UNC13C: variants seen among roughly 807,000 people sequenced by gnomAD.
UNC13C encodes the protein protein unc-13 homolog C.
Under a neutral mutation model 245.4 loss-of-function variants are expected in UNC13C, and 174 were observed. The observed-to-expected ratio is 0.71, with a 90% CI of 0.63 to 0.80. The LOEUF (loss-of-function observed/expected upper bound fraction) is 0.80, where lower values mean the gene tolerates loss of function less well. UNC13C is among the 30% of genes least tolerant of loss of function. The pLI is 0.00. For synonymous variants in UNC13C, 992 were observed against 895.1 expected, an observed-to-expected ratio of 1.11 and a Z score of -1.93; for missense variants, 2,829 against 2,602.9, an observed-to-expected ratio of 1.09 and a Z score of -1.89.
At chr15:54,350,903 TTTATA>T (rs1380092472) in intron 17 of UNC13C, among the ~76,000 whole-genome samples, 5 of 152,236 alleles carry the variant, frequency 3.3e-5, no homozygotes, top group African/African-American at 9.6e-5. Context: ...AATGTGCTTC[TTTATA>T]TTATAATACT....
chr15:54,219,473 T>C, intron 4 of UNC13C, among the ~76,000 whole-genome samples: 1 of 151,812 alleles, frequency 6.6e-6, no homozygotes, highest in Non-Finnish European at 1.5e-5. Flanking sequence ...GACTTAAATG[T>C]TAGACCTAAA....
At chr15:54,378,828 T>C (rs1300090066) in intron 17 of UNC13C, among the ~76,000 whole-genome samples, 1 of 152,026 alleles carries the variant, frequency 6.6e-6, no homozygotes, top group Non-Finnish European at 1.5e-5. Context: ...ATTTTATAAT[T>C]ATGTATAGTT....
chr15:54,368,160 T>C (rs1254888084), intron 17 of UNC13C, among the ~76,000 whole-genome samples: 2 of 152,104 alleles, frequency 1.3e-5, no homozygotes, highest in African/African-American at 4.8e-5. Context: ...TTTCTTACTA[T>C]TGACACTTTA....
intron 2 of UNC13C, among the ~76,000 whole-genome samples, chr15:54,027,226 A>G (rs1896149293): frequency 6.6e-6 from 1 of 152,060 alleles, no homozygotes; most frequent in Non-Finnish European, 1.5e-5. Context: ...ATCTGGTGCA[A>G]TAATCAGAGG....
intron 19 of UNC13C, among the ~76,000 whole-genome samples, chr15:54,441,823 A>C (rs895598374): frequency 6.6e-6 from 1 of 152,098 alleles, no homozygotes. Context: ...ATCCATGAGC[A>C]TAAGATATCT....
At chr15:54,385,419 A>C (rs544646197) in intron 17 of UNC13C, among the ~76,000 whole-genome samples, 4 of 152,130 alleles carry the variant, frequency 2.6e-5, no homozygotes, top group Non-Finnish European at 4.4e-5. Context: ...GGAGGTCATT[A>C]CATTAAGTAC....
At chr15:54,257,697 TCCAATTA>T (rs1158274268) in intron 8 of UNC13C, among the ~76,000 whole-genome samples, 1 of 152,166 alleles carries the variant, frequency 6.6e-6, no homozygotes. Context: ...TCTGTGATCC[TCCAATTA>T]CCTACTGTTA....
At position 54,225,170 on chromosome 15, in the gene UNC13C, CT is replaced by C. The variant is rs61048399; in HGVS notation, c.3072-9849del. On this transcript the variant is annotated intron_variant, in intron 4 of 32. Coordinates refer to ENST00000260323, the MANE Select transcript of UNC13C (RefSeq NM_001080534.3). The stretch of plus-strand genomic sequence containing the variant: ...GCAGTCTTATTTCTGAGTTCTCTGT[CT>C]TTTTTTTTTTAACTAGTACCATGCT... Among the ~76,000 whole-genome samples the C allele has an allele frequency of 8.5e-3, 1,183 of 138,556 alleles. 19 individuals are homozygous for C. Among genetic ancestry groups the C allele is most frequent in the African/African-American group, 0.028 (1,107 of 39,128 alleles). 90.9% of individuals were successfully genotyped at this position (138,556 alleles called of 152,430 possible). A position where few individuals can be genotyped will look rare whatever the true frequency, so the allele number is the denominator to read the frequency against.
At chr15:53,984,348 T>C (rs1894042552) in intron 1 of UNC13C, among the ~76,000 whole-genome samples, 1 of 152,118 alleles carries the variant, frequency 6.6e-6, no homozygotes, top group African/African-American at 2.4e-5. Context: ...GTAAATGATT[T>C]GTCTGGTTGA....
At chr15:54,526,162 G>C (rs1895447064) in intron 25 of UNC13C, among the ~76,000 whole-genome samples, 3 of 152,098 alleles carry the variant, frequency 2.0e-5, no homozygotes, top group Admixed American at 1.3e-4. Flanking sequence ...CCATGGGAAG[G>C]AGTTTGGAAA....
intron 2 of UNC13C, among the ~76,000 whole-genome samples, chr15:54,093,699 T>G (rs994642656): frequency 1.4e-4 from 22 of 152,350 alleles, no homozygotes; most frequent in African/African-American, 5.3e-4. Context: ...GGATCTGGTG[T>G]GACTGTTGCT....
At chr15:54,044,484 C>G (rs144396508) in intron 2 of UNC13C, 171 of 257,806 alleles carry the variant, frequency 6.6e-4, no homozygotes, top group African/African-American at 3.6e-3. Context: ...CTTTGTTTAA[C>G]TGTTTGAAGA....
chr15:54,461,939 A>C (rs971877502), intron 19 of UNC13C, among the ~76,000 whole-genome samples: 1 of 152,200 alleles, frequency 6.6e-6, no homozygotes, highest in Admixed American at 6.5e-5. Flanking sequence ...AGTGAAATGC[A>C]GAGATCACTG....
intron 13 of UNC13C, among the ~76,000 whole-genome samples, chr15:54,301,220 TAAG>T (rs1263645565): frequency 6.6e-6 from 1 of 151,928 alleles, no homozygotes; most frequent in African/African-American, 2.4e-5. Context: ...CTGGTCCAGA[TAAG>T]AAGTCAATTT....
intron 30 of UNC13C, among the ~76,000 whole-genome samples, chr15:54,607,860 C>T (rs577208691): frequency 4.6e-5 from 7 of 152,292 alleles, no homozygotes; most frequent in East Asian, 1.9e-4. Context: ...ACCTCCCACC[C>T]GTTCCCTCCC....
chr15:53,935,893 G>T, the UNC13C span, among the ~76,000 whole-genome samples: 5 of 152,196 alleles, frequency 3.3e-5, no homozygotes, highest in East Asian at 9.6e-4. Flanking sequence ...TTGGTGGGGT[G>T]CAGGGTGGCC....
At chr15:54,167,602 G>GAAAAAAAAA (rs35210236) in intron 4 of UNC13C, among the ~76,000 whole-genome samples, 10 of 63,574 alleles carry the variant, frequency 1.6e-4, no homozygotes, top group Admixed American at 2.0e-4. Flanking sequence ...ATCCAAATAG[G>GAAAAAAAAA]AAAAAAAAAA....
chr15:54,036,508 A>C (rs1305085216), intron 2 of UNC13C, among the ~76,000 whole-genome samples: 1 of 152,172 alleles, frequency 6.6e-6, no homozygotes, highest in African/African-American at 2.4e-5. Context: ...AGTTCTTCAG[A>C]AACTTCTTTT....
the UNC13C span, among the ~76,000 whole-genome samples, chr15:53,942,428 G>A: frequency 6.6e-6 from 1 of 152,044 alleles, no homozygotes; most frequent in Admixed American, 6.6e-5. Context: ...GAGAGCATCA[G>A]GAAGAACAGC....
Sources: allele counts gnomAD v4.1 joint callset (sites outside exome capture counted in the v4.1 genomes callset), GRCh38; gene constraint gnomAD v4.1.1; transcripts MANE v1.5; gene names NCBI Gene and HGNC (gene_info 2026-07-23, HGNC 2026-07-21).